The following CDH12 variants were observed in gnomAD, a reference collection of about 807,000 sequenced individuals.
The protein encoded by CDH12 is cadherin-12.
Under a neutral mutation model 74.1 loss-of-function variants are expected in CDH12, and 41 were observed. That is an observed-to-expected ratio of 0.55 (90% CI 0.43 to 0.72). The LOEUF (loss-of-function observed/expected upper bound fraction) is 0.72, where lower values mean the gene tolerates loss of function less well. Among genes scored for constraint, CDH12 ranks in the 30% least tolerant of loss-of-function variants. CDH12 has a pLI of 0.00. For synonymous variants in CDH12, 399 were observed against 355.0 expected (o/e 1.12, Z -1.39); for missense variants, 945 against 977.2 (o/e 0.97, Z 0.44).
intron 6 of CDH12, among the ~76,000 whole-genome samples, chr5:21,928,670 T>C (rs1754701298): frequency 1.3e-5 from 2 of 152,194 alleles, no homozygotes; most frequent in South Asian, 4.1e-4. Context: ...TTTTTTAATT[T>C]TGTATTTTTT....
intron 1 of CDH12, among the ~76,000 whole-genome samples, chr5:22,817,026 A>G (rs1370895895): frequency 6.6e-6 from 1 of 152,186 alleles, no homozygotes; most frequent in Non-Finnish European, 1.5e-5. Flanking sequence ...TCTAACTCAC[A>G]TCTAAATTGA....
At position 22,528,013 on chromosome 5, in the gene CDH12, G is replaced by C. The variant is rs76557339; in HGVS notation, c.-522-22649C>G. On this transcript the variant is annotated intron_variant, in intron 1 of 14. Transcript: ENST00000382254. ...CCACATGTTTCCTGGATTTCTGTCT[G>C]TATAAACTAGAAAACTCAAGCAGTT... 8.2e-3 allele frequency among the ~76,000 whole-genome samples: 1,250 copies of C among 152,188 alleles called. 19 individuals carry two copies. Among genetic ancestry groups the C allele is most frequent in the African/African-American group, 0.029 (1,188 of 41,530 alleles).
intron 4 of CDH12, among the ~76,000 whole-genome samples, chr5:22,085,453 T>C (rs1212449570): frequency 6.6e-6 from 1 of 152,198 alleles, no homozygotes; most frequent in Non-Finnish European, 1.5e-5. Flanking sequence ...GTGTTCTCTA[T>C]TATGGGTAGC....
chr5:21,774,793 T>G (rs1216396400), intron 11 of CDH12, among the ~76,000 whole-genome samples: 2 of 152,170 alleles, frequency 1.3e-5, no homozygotes, highest in African/African-American at 4.8e-5. Flanking sequence ...AAGAAAGGAT[T>G]GACATCAATT....
intron 5 of CDH12, among the ~76,000 whole-genome samples, chr5:21,978,367 T>C (rs1033866148): frequency 5.3e-5 from 8 of 152,142 alleles, no homozygotes; most frequent in African/African-American, 1.9e-4. Context: ...GGTCTCAAAC[T>C]CCTTACCTCA....
At chr5:22,108,783 T>G (rs1261521468) in intron 4 of CDH12, among the ~76,000 whole-genome samples, 1 of 152,202 alleles carries the variant, frequency 6.6e-6, no homozygotes, top group African/African-American at 2.4e-5. Context: ...TGTAGATGCC[T>G]TCTCAGTAAT....
intron 3 of CDH12, among the ~76,000 whole-genome samples, chr5:22,379,350 T>C (rs866108716): frequency 2.9e-4 from 44 of 152,262 alleles, no homozygotes; most frequent in Middle Eastern, 6.8e-3. Flanking sequence ...TATTTATTTA[T>C]ATTAATACCT....
Position 22,546,152 on chromosome 5 carries a change from T to C in CDH12, c.-522-40788A>G, listed in dbSNP as rs430027. Among the ~76,000 whole-genome samples, 480 of 152,172 alleles carry C rather than the reference T, an allele frequency of 3.2e-3. 6 individuals carry two copies. Among genetic ancestry groups the C allele is most frequent in the African/African-American group, 0.011 (463 of 41,526 alleles). On this transcript the variant is annotated intron_variant, in intron 1 of 14. Coordinates refer to ENST00000382254, the MANE Select transcript of CDH12 (RefSeq NM_004061.5). Reference sequence around the variant, plus strand: ...GTAGACACAGGGTTTCACTATGTTGTCCAGGCTGGTCTTGAACTCCTGACC... The same window carrying C: ...GTAGACACAGGGTTTCACTATGTTGCCCAGGCTGGTCTTGAACTCCTGACC...
intron 2 of CDH12, among the ~76,000 whole-genome samples, chr5:22,464,661 T>A (rs768235345): frequency 6.6e-6 from 1 of 152,162 alleles, no homozygotes; most frequent in Non-Finnish European, 1.5e-5. Flanking sequence ...CCCCACATCC[T>A]GGAGTGAGGA....
At chr5:22,041,178 T>C (rs1012335593) in intron 5 of CDH12, among the ~76,000 whole-genome samples, 2 of 151,928 alleles carry the variant, frequency 1.3e-5, no homozygotes, top group Non-Finnish European at 1.5e-5. Context: ...AAAACACAAA[T>C]ATATAGCAGA....
rs879426156 is a variant in CDH12, at chr5:22,576,687, A to T, written c.-522-71323T>A. On this transcript the variant is annotated intron_variant, in intron 1 of 14. Coordinates refer to ENST00000382254, the MANE Select transcript of CDH12 (RefSeq NM_004061.5). ...ATGCTACTGGGGAGGGCAGAAAAAA[A>T]TCCTATGTAGATCTCCAAGGAGGCG... is the stretch of plus-strand genomic sequence containing the variant. 9.2e-4 allele frequency among the ~76,000 whole-genome samples: 140 copies of T among 152,272 alleles called. 2 individuals are homozygous for T. The Middle Eastern group carries it at 0.01, about 11-fold the overall frequency.
At chr5:22,767,724 A>G (rs912847611) in intron 1 of CDH12, among the ~76,000 whole-genome samples, 1 of 152,040 alleles carries the variant, frequency 6.6e-6, no homozygotes, top group Non-Finnish European at 1.5e-5. Flanking sequence ...AAACAAAATT[A>G]TACCTACGAG....
chr5:21,812,554 C>A (rs1451782737), intron 9 of CDH12, among the ~76,000 whole-genome samples: 1 of 151,828 alleles, frequency 6.6e-6, no homozygotes, highest in African/African-American at 2.4e-5. Flanking sequence ...CAGTCTTTAC[C>A]CAAAAGCATT....
At chr5:22,776,500 A>T (rs17359069) in intron 1 of CDH12, among the ~76,000 whole-genome samples, 1 of 152,136 alleles carries the variant, frequency 6.6e-6, no homozygotes, top group Non-Finnish European at 1.5e-5. Context: ...GGTAATGCCT[A>T]TGATAATTGC....
chr5:22,740,710 T>C (rs1441375051), intron 1 of CDH12, among the ~76,000 whole-genome samples: 2 of 152,118 alleles, frequency 1.3e-5, no homozygotes, highest in Non-Finnish European at 2.9e-5. Flanking sequence ...CTTCCATAGA[T>C]GTTTTAAAAC....
chr5:22,709,166 C>A (rs1474309505), intron 1 of CDH12, among the ~76,000 whole-genome samples: 1 of 152,120 alleles, frequency 6.6e-6, no homozygotes, highest in African/African-American at 2.4e-5. Flanking sequence ...GCCACAAATT[C>A]TGAGAACTGC....
At chr5:22,090,226 A>G (rs186375598) in intron 4 of CDH12, among the ~76,000 whole-genome samples, 2 of 151,984 alleles carry the variant, frequency 1.3e-5, no homozygotes, top group African/African-American at 4.8e-5. Flanking sequence ...TAACAATTAA[A>G]AAACGTACTA....
At chr5:21,777,832 C>T (rs1267947885) in intron 11 of CDH12, among the ~76,000 whole-genome samples, 1 of 152,122 alleles carries the variant, frequency 6.6e-6, no homozygotes, top group Non-Finnish European at 1.5e-5. Flanking sequence ...CTGACAGATA[C>T]AACTGTATGT....
intron 5 of CDH12, among the ~76,000 whole-genome samples, chr5:22,024,134 C>T (rs528089890): frequency 1.1e-4 from 16 of 152,052 alleles, no homozygotes; most frequent in Non-Finnish European, 1.8e-4. Flanking sequence ...TGAGTTTTAG[C>T]GACTTGAAAA....
Sources: allele counts gnomAD v4.1 joint callset (sites outside exome capture counted in the v4.1 genomes callset), GRCh38; gene constraint gnomAD v4.1.1; transcripts MANE v1.5; gene names NCBI Gene and HGNC (gene_info 2026-07-23, HGNC 2026-07-21).